SGCD: variants seen among roughly 807,000 people sequenced by gnomAD.
SGCD encodes the protein delta-sarcoglycan.
Under a neutral mutation model 36.6 loss-of-function variants are expected in SGCD, and 18 were observed. The ratio of observed to expected loss-of-function variants is 0.49; its 90% CI spans 0.34 to 0.73. The LOEUF is 0.73. Ranked by LOEUF, SGCD falls within the 30% of genes least tolerant of loss-of-function variation. The pLI is 0.01. For synonymous variants in SGCD, 133 were observed against 130.6 expected (o/e 1.02, Z -0.12); for missense variants, 387 against 346.7 (o/e 1.12, Z -0.92).
chr5:155,869,796 C>A (rs182910045), upstream of SGCD, among the ~76,000 whole-genome samples: 34 of 152,112 alleles, frequency 2.2e-4, no homozygotes, highest in African/African-American at 7.9e-4. Context: ...GTCAAGAGAT[C>A]GAGACCAGCC....
At chr5:156,119,671 C>T (rs760335131) in intron 2 of SGCD, among the ~76,000 whole-genome samples, 6 of 152,086 alleles carry the variant, frequency 3.9e-5, no homozygotes, top group Non-Finnish European at 7.4e-5. Context: ...TCTTAAGACC[C>T]ACTTAGAGTT....
At chr5:156,260,413 A>G (rs1019107205) in intron 3 of SGCD, among the ~76,000 whole-genome samples, 2 of 152,272 alleles carry the variant, frequency 1.3e-5, no homozygotes, top group East Asian at 3.9e-4. Context: ...TACTAATTTT[A>G]CTAAGCAATA....
chr5:156,594,824 T>G (rs1760859396), intron 5 of SGCD, 108 bp from the exon 6 acceptor site: 2 of 703,394 alleles, frequency 2.8e-6, no homozygotes, highest in Non-Finnish European at 2.4e-6. Flanking sequence ...GTTAGATATG[T>G]GTGTTCTATG....
At chr5:156,409,987 T>C (rs1302111176) in intron 3 of SGCD, among the ~76,000 whole-genome samples, 1 of 152,202 alleles carries the variant, frequency 6.6e-6, no homozygotes, top group African/African-American at 2.4e-5. Flanking sequence ...TGAAGTAATA[T>C]GTTACCACAA....
chr5:156,439,351 C>T (rs1196314250), intron 3 of SGCD, among the ~76,000 whole-genome samples: 3 of 152,130 alleles, frequency 2.0e-5, no homozygotes, highest in Non-Finnish European at 4.4e-5. Context: ...TTGAATTTAC[C>T]TGGATGGCAA....
At chr5:156,586,561 A>G (rs955759769) in intron 4 of SGCD, among the ~76,000 whole-genome samples, 1 of 152,168 alleles carries the variant, frequency 6.6e-6, no homozygotes, top group African/African-American at 2.4e-5. Context: ...GGTAGATTTG[A>G]CTATTCAACC....
chr5:156,114,568 A>G (rs1225131563), intron 1 of SGCD, among the ~76,000 whole-genome samples: 1 of 152,008 alleles, frequency 6.6e-6, no homozygotes, highest in East Asian at 1.9e-4. Context: ...CAAGTTATTT[A>G]TTGGGTCAGA....
At chr5:156,678,944 G>A (rs1753619026) in intron 7 of SGCD, among the ~76,000 whole-genome samples, 1 of 152,136 alleles carries the variant, frequency 6.6e-6, no homozygotes, top group South Asian at 2.1e-4. Flanking sequence ...CCAATGCCAT[G>A]TTGGGCAAAT....
At chr5:156,521,119 A>G (rs1757385997) in intron 4 of SGCD, among the ~76,000 whole-genome samples, 1 of 152,162 alleles carries the variant, frequency 6.6e-6, no homozygotes, top group Non-Finnish European at 1.5e-5. Context: ...CCTATTTAAT[A>G]AAACGGGAGC....
intron 3 of SGCD, among the ~76,000 whole-genome samples, chr5:156,272,855 C>A (rs1410057763): frequency 6.6e-6 from 1 of 152,134 alleles, no homozygotes; most frequent in Non-Finnish European, 1.5e-5. Context: ...AAACACATCG[C>A]CACACTCATT....
chr5:156,507,639 A>G (rs1430822501), intron 3 of SGCD, among the ~76,000 whole-genome samples: 1 of 152,248 alleles, frequency 6.6e-6, no homozygotes, highest in African/African-American at 2.4e-5. Context: ...AACATAACGA[A>G]TAGAGGAACA....
intron 3 of SGCD, among the ~76,000 whole-genome samples, chr5:156,391,349 T>C (rs1771553781): frequency 1.3e-5 from 2 of 152,230 alleles, no homozygotes; most frequent in South Asian, 4.1e-4. Context: ...AATTGCCTAA[T>C]GATGCATTCC....
intron 3 of SGCD, among the ~76,000 whole-genome samples, chr5:156,301,089 A>G (rs1172636424): frequency 6.6e-6 from 1 of 151,906 alleles, no homozygotes; most frequent in Non-Finnish European, 1.5e-5. Context: ...TTTATATTCA[A>G]TATTATTATT....
intron 4 of SGCD, among the ~76,000 whole-genome samples, chr5:156,553,512 G>A (rs1053344256): frequency 6.6e-6 from 1 of 151,806 alleles, no homozygotes; most frequent in Non-Finnish European, 1.5e-5. Flanking sequence ...CACTTCAGTG[G>A]TTTTTCATAT....
At chr5:155,749,448 C>T in the SGCD span, among the ~76,000 whole-genome samples, 1 of 152,196 alleles carries the variant, frequency 6.6e-6, no homozygotes, top group South Asian at 2.1e-4. Flanking sequence ...AGAGCAGAAA[C>T]ACATGTATAT....
At chr5:156,152,371 C>A (rs1407741614) in intron 3 of SGCD, among the ~76,000 whole-genome samples, 1 of 151,498 alleles carries the variant, frequency 6.6e-6, no homozygotes, top group Non-Finnish European at 1.5e-5. Flanking sequence ...GCATGATAGT[C>A]CCTTCACATA....
chr5:156,645,337 GA>G (rs1763187537), intron 6 of SGCD, among the ~76,000 whole-genome samples: 1 of 152,156 alleles, frequency 6.6e-6, no homozygotes, highest in Non-Finnish European at 1.5e-5. Flanking sequence ...AATTCATCCT[GA>G]AGGATGTTTG....
intron 1 of SGCD, among the ~76,000 whole-genome samples, chr5:155,882,711 G>A (rs753970604): frequency 6.6e-6 from 1 of 152,094 alleles, no homozygotes; most frequent in Non-Finnish European, 1.5e-5. Context: ...AAACCATGCT[G>A]AAAACAGATA....
At position 156,302,344 on chromosome 5, in the gene SGCD, C is replaced by T. The variant is rs377038038; in HGVS notation, c.-43-27190C>T. Reference sequence around the variant, plus strand: ...CATCAATTGAATTTTTCAGCTCCAACATTTCTGTTTGATTTTTAAAAATTA... The same window carrying T: ...CATCAATTGAATTTTTCAGCTCCAATATTTCTGTTTGATTTTTAAAAATTA... On this transcript the variant is annotated intron_variant, in intron 3 of 9. Coordinates refer to the SGCD transcript ENST00000517913. Among the ~76,000 whole-genome samples the T allele has an allele frequency of 2.2e-4, 34 of 152,104 alleles. No individual in the cohort carries two copies. The East Asian group carries it at 2.9e-3, about 13-fold the overall frequency.
Sources: gnomAD v4.1 joint callset for allele counts (sites outside exome capture counted in the v4.1 genomes callset) on GRCh38, gnomAD v4.1.1 for gene constraint, MANE v1.5 for transcripts, NCBI Gene and HGNC (gene_info 2026-07-23, HGNC 2026-07-21) for gene names.